The following ATF7IP2 variants were observed in gnomAD, a reference collection of about 807,000 sequenced individuals.
The protein encoded by ATF7IP2 is activating transcription factor 7-interacting protein 2.
In ATF7IP2, 42 loss-of-function variants were observed where a neutral mutation model predicts 64.2. The observed-to-expected ratio is 0.65, with a 90% CI of 0.51 to 0.85. ATF7IP2 has a LOEUF of 0.85. Ranked by LOEUF, ATF7IP2 falls within the 40% of genes least tolerant of loss-of-function variation. The pLI, the probability that ATF7IP2 is intolerant of heterozygous loss-of-function variation, is 0.00. For missense variants in ATF7IP2, 933 were observed against 784.2 expected (o/e 1.19, Z -2.27); for synonymous variants, 308 against 272.8 (o/e 1.13, Z -1.27).
intron 3 of ATF7IP2, among the ~76,000 whole-genome samples, chr16:10,425,290 G>A (rs923588963): frequency 7.0e-6 from 1 of 142,386 alleles, no homozygotes; most frequent in East Asian, 2.1e-4. Context: ...GGCTGGTCTT[G>A]AACTCCTGAC....
chr16:10,466,857 C>G (rs976896266), intron 9 of ATF7IP2, among the ~76,000 whole-genome samples: 1 of 151,816 alleles, frequency 6.6e-6, no homozygotes, highest in African/African-American at 2.4e-5. Flanking sequence ...GCTCCTACTT[C>G]CATATTTTTA....
chr16:10,434,660 C>A (rs1052922138), intron 6 of ATF7IP2, among the ~76,000 whole-genome samples: 1 of 152,114 alleles, frequency 6.6e-6, no homozygotes, highest in African/African-American at 2.4e-5. Context: ...TGTAAGTGTT[C>A]TGTTGTTGGC....
chr16:10,404,406 C>T (rs1488401600), intron 1 of ATF7IP2, among the ~76,000 whole-genome samples: 1 of 152,098 alleles, frequency 6.6e-6, no homozygotes, highest in African/African-American at 2.4e-5. Context: ...GTGTGTGCCC[C>T]CAGACTCTGC....
intron 8 of ATF7IP2, among the ~76,000 whole-genome samples, chr16:10,454,975 C>T (rs545054547): frequency 6.6e-6 from 1 of 152,096 alleles, no homozygotes; most frequent in East Asian, 1.9e-4. Flanking sequence ...TTTTATAGTC[C>T]AGCATATTAT....
intron 9 of ATF7IP2, among the ~76,000 whole-genome samples, chr16:10,466,369 TA>T (rs931491064): frequency 6.6e-6 from 1 of 152,240 alleles, no homozygotes; most frequent in African/African-American, 2.4e-5. Context: ...TGTACATATA[TA>T]CACTTCTGTT....
At chr16:10,460,315 T>C (rs1038777175) in intron 9 of ATF7IP2, among the ~76,000 whole-genome samples, 1 of 151,648 alleles carries the variant, frequency 6.6e-6, no homozygotes, top group Non-Finnish European at 1.5e-5. Context: ...AGGAGTATTA[T>C]ATTTATAGAG....
At chr16:10,398,448 A>C (rs947207775) in intron 1 of ATF7IP2, among the ~76,000 whole-genome samples, 1 of 152,244 alleles carries the variant, frequency 6.6e-6, no homozygotes, top group Non-Finnish European at 1.5e-5. Flanking sequence ...CCTATGATCC[A>C]GGAATCTTAT....
chr16:10,442,855 T>G (rs2048674943), intron 8 of ATF7IP2, among the ~76,000 whole-genome samples: 1 of 152,216 alleles, frequency 6.6e-6, no homozygotes, highest in South Asian at 2.1e-4. Flanking sequence ...ATAGTAGATA[T>G]AATTTATCCA....
chr16:10,429,695 G>GTTTTATTTTA (rs55705185), intron 4 of ATF7IP2, among the ~76,000 whole-genome samples: 23,870 of 138,196 alleles, frequency 0.17, 2,270 homozygotes, highest in East Asian at 0.34. Context: ...CTTAGTGCTG[G>GTTTTATTTTA]TTTTATTTTA....
At chr16:10,434,972 G>A (rs2048372640) in intron 6 of ATF7IP2, among the ~76,000 whole-genome samples, 1 of 152,148 alleles carries the variant, frequency 6.6e-6, no homozygotes, top group African/African-American at 2.4e-5. Flanking sequence ...ATTTTACCAT[G>A]TTGGCCAGGC....
intron 8 of ATF7IP2, chr16:10,448,200 T>C (rs548705924): frequency 2.0e-5 from 3 of 152,230 alleles, no homozygotes; most frequent in African/African-American, 7.2e-5. Flanking sequence ...TGAAGTCAGG[T>C]AGTGTGATGC....
chr16:10,391,727 A>G (rs566569372), intron 1 of ATF7IP2, among the ~76,000 whole-genome samples: 1 of 152,032 alleles, frequency 6.6e-6, no homozygotes, highest in Admixed American at 6.6e-5. Flanking sequence ...GTGAAACACT[A>G]TCTCTACTAA....
intron 9 of ATF7IP2, among the ~76,000 whole-genome samples, chr16:10,460,325 G>A (rs1567165369): frequency 6.6e-6 from 1 of 152,098 alleles, no homozygotes; most frequent in East Asian, 1.9e-4. Context: ...TATTTATAGA[G>A]TACAACTTCA....
At chr16:10,454,715 A>AT (rs1259887207) in intron 8 of ATF7IP2, among the ~76,000 whole-genome samples, 4 of 152,184 alleles carry the variant, frequency 2.6e-5, no homozygotes, top group Admixed American at 2.6e-4. Context: ...TATTCTAAGC[A>AT]TCTTCTTAGT....
chr16:10,431,505 C>T, intron 5 of ATF7IP2, 50 bp downstream of exon 5: 2 of 1,278,114 alleles, frequency 1.6e-6, no homozygotes, highest in East Asian at 4.7e-5. Context: ...AGTCACTTTT[C>T]TTTAGGGTAT....
chr16:10,424,897 T>C (rs902990970), intron 3 of ATF7IP2, among the ~76,000 whole-genome samples: 1 of 152,202 alleles, frequency 6.6e-6, no homozygotes, highest in African/African-American at 2.4e-5. Context: ...TGAATGTAAG[T>C]TGTTCCGGCC....
chr16:10,438,419 GT>G (rs374050720), intron 7 of ATF7IP2, among the ~76,000 whole-genome samples, 184 bp downstream of exon 7: 2,393 of 135,536 alleles, frequency 0.018, 19 homozygotes, highest in Non-Finnish European at 0.028. Flanking sequence ...TAATTTTTGG[GT>G]TTTTTTTTTT....
rs772840835 is a variant in ATF7IP2 at position 10,480,968 on chromosome 16, C to G, written c.1635+4C>G. The G allele has an allele frequency of 3.2e-6, 5 of 1,587,186 alleles. No homozygotes were observed. Among genetic ancestry groups the G allele is most frequent in the Non-Finnish European group, 3.5e-6 (4 of 1,155,760 alleles). On this transcript the variant is annotated splice_donor_region_variant and intron_variant, in intron 13 of 13. Coordinates refer to ENST00000562102, the MANE Select transcript of ATF7IP2 (RefSeq NM_001393719.1). ...ATTGGCACAAAATGCAGTCCAGGTA[C>G]TGAATCAAAGTGCTCTGTAAGGGAT... is the stretch of plus-strand genomic sequence containing the variant.
chr16:10,469,622 A>G (rs555048297), intron 9 of ATF7IP2, among the ~76,000 whole-genome samples: 1 of 152,268 alleles, frequency 6.6e-6, no homozygotes, highest in East Asian at 1.9e-4. Context: ...CTAAAAATAT[A>G]AAATTAGCCC....
Sources: allele counts gnomAD v4.1 joint callset (sites outside exome capture counted in the v4.1 genomes callset), GRCh38; gene constraint gnomAD v4.1.1; transcripts MANE v1.5; gene names NCBI Gene and HGNC (gene_info 2026-07-23, HGNC 2026-07-21).